Variants in SGCZ observed in about 807,000 individuals in gnomAD.
The protein encoded by SGCZ is sarcoglycan zeta, also known as zeta-sarcoglycan.
In SGCZ, 40 loss-of-function variants were observed where a neutral mutation model predicts 41.3. The ratio of observed to expected loss-of-function variants is 0.97; its 90% CI spans 0.75 to 1.26. The LOEUF (loss-of-function observed/expected upper bound fraction) is 1.26. Ranked by LOEUF, SGCZ falls within the 50% of genes most tolerant of loss-of-function variation. The probability of loss-of-function intolerance (pLI) is 0.00; values close to 1 mark genes in which losing one functional copy is unlikely to be tolerated. For synonymous variants in SGCZ, 206 were observed against 137.5 expected, an observed-to-expected ratio of 1.50 and a Z score of -3.49; for missense variants, 552 against 369.8, an observed-to-expected ratio of 1.49 and a Z score of -4.04.
chr8:14,578,093 C>T (rs1292189433), intron 1 of SGCZ, among the ~76,000 whole-genome samples: 2 of 152,246 alleles, frequency 1.3e-5, no homozygotes, highest in Non-Finnish European at 2.9e-5. Flanking sequence ...AACATTGAGG[C>T]CTATTTTATC....
intron 1 of SGCZ, among the ~76,000 whole-genome samples, chr8:15,051,658 G>A (rs60929713): frequency 0.044 from 6,663 of 152,134 alleles, 157 homozygotes; most frequent in Non-Finnish European, 0.057. Flanking sequence ...CTTGCCCACC[G>A]TTGGTGTTAC....
At position 14,467,281 on chromosome 8, in the gene SGCZ, G is replaced by A. The variant is rs919666579; in HGVS notation, c.234+87451C>T. On this transcript the variant is annotated intron_variant, in intron 2 of 7. Transcript: ENST00000382080. Reference sequence around the variant, plus strand: ...GTTTAAAAAAAGAGAAAAATAAGTGGTGGGGCACTGGCCCTTTTAATTCCG... The same window carrying A: ...GTTTAAAAAAAGAGAAAAATAAGTGATGGGGCACTGGCCCTTTTAATTCCG... Among the ~76,000 whole-genome samples, 5 of 152,078 alleles carry A rather than the reference G, an allele frequency of 3.3e-5. No individual in the cohort carries two copies. The East Asian group carries it at 5.8e-4, about 18-fold the overall frequency.
At chr8:14,419,608 T>C (rs752200811) in intron 2 of SGCZ, among the ~76,000 whole-genome samples, 1 of 152,014 alleles carries the variant, frequency 6.6e-6, no homozygotes, top group Non-Finnish European at 1.5e-5. Flanking sequence ...AAAAAAGGCC[T>C]ATTTTAAATT....
intron 1 of SGCZ, among the ~76,000 whole-genome samples, chr8:14,986,365 TA>T (rs1801825647): frequency 6.6e-6 from 1 of 152,050 alleles, no homozygotes; most frequent in African/African-American, 2.4e-5. Context: ...AAAATATCTC[TA>T]AAAACCCAGC....
intron 1 of SGCZ, among the ~76,000 whole-genome samples, chr8:14,567,047 A>G (rs1804390843): frequency 2.0e-5 from 3 of 152,164 alleles, no homozygotes; most frequent in South Asian, 2.1e-4. Flanking sequence ...GCTGTGCTCA[A>G]TTTCTCCCTG....
chr8:14,186,424 A>G (rs770639170), intron 4 of SGCZ, among the ~76,000 whole-genome samples: 15 of 152,106 alleles, frequency 9.9e-5, no homozygotes, highest in Non-Finnish European at 1.8e-4. Flanking sequence ...TTCTTCATCT[A>G]TGTCACAGTA....
At chr8:14,402,168 A>G (rs1799095804) in intron 2 of SGCZ, among the ~76,000 whole-genome samples, 2 of 151,998 alleles carry the variant, frequency 1.3e-5, no homozygotes, top group Admixed American at 6.6e-5. Flanking sequence ...GACTGAGTTC[A>G]TTGTAGATTC....
Position 14,527,605 on chromosome 8 carries a change from C to T in SGCZ, c.234+27127G>A, listed in dbSNP as rs958961093. Among the ~76,000 whole-genome samples the T allele has an allele frequency of 6.6e-5, 10 of 152,090 alleles. No homozygotes were observed. The East Asian group carries it at 1.9e-3, about 29-fold the overall frequency. ...ACGCCATGATGTCATTGTCATTATG[C>T]TGCTGGCAGTGGTAGCCACAAGGTA... On this transcript the variant is annotated intron_variant, in intron 2 of 7. Transcript: ENST00000382080.
intron 5 of SGCZ, among the ~76,000 whole-genome samples, chr8:14,148,981 C>T (rs1239283272): frequency 2.0e-5 from 3 of 151,886 alleles, no homozygotes; most frequent in African/African-American, 7.3e-5. Context: ...CAAAAAATTC[C>T]ACATCTCTTC....
intron 1 of SGCZ, among the ~76,000 whole-genome samples, chr8:14,575,182 A>C (rs1381974924): frequency 1.3e-5 from 2 of 152,202 alleles, no homozygotes; most frequent in African/African-American, 4.8e-5. Context: ...ATCAGTAGTT[A>C]CCTTTTAAGA....
chr8:15,128,179 A>G (rs376473985), intron 1 of SGCZ, among the ~76,000 whole-genome samples: 2 of 152,122 alleles, frequency 1.3e-5, no homozygotes, highest in East Asian at 1.9e-4. Context: ...TCTAGGATCA[A>G]TTTCATCCAC....
At chr8:15,230,716 A>G (rs1801914777) in intron 1 of SGCZ, among the ~76,000 whole-genome samples, 1 of 152,228 alleles carries the variant, frequency 6.6e-6, no homozygotes, top group South Asian at 2.1e-4. Context: ...ATGGTCCCAG[A>G]GTCAACTGCA....
intron 1 of SGCZ, among the ~76,000 whole-genome samples, chr8:14,705,253 T>A (rs989173187): frequency 6.6e-6 from 1 of 151,922 alleles, no homozygotes; most frequent in Admixed American, 6.6e-5. Flanking sequence ...CTACATGGTG[T>A]TTAAGAACAA....
intron 4 of SGCZ, among the ~76,000 whole-genome samples, chr8:14,199,780 T>G (rs1390250989): frequency 6.6e-6 from 1 of 152,078 alleles, no homozygotes; most frequent in African/African-American, 2.4e-5. Context: ...AATGAAGAAA[T>G]AAACGCATTT....
At chr8:14,762,142 T>C (rs887349223) in intron 1 of SGCZ, among the ~76,000 whole-genome samples, 1 of 152,176 alleles carries the variant, frequency 6.6e-6, no homozygotes, top group Non-Finnish European at 1.5e-5. Context: ...TAATAGAGAT[T>C]GCATGAACAT....
At chr8:14,307,679 GTTTTA>G (rs971806032) in intron 3 of SGCZ, among the ~76,000 whole-genome samples, 10 of 152,020 alleles carry the variant, frequency 6.6e-5, no homozygotes, top group African/African-American at 2.2e-4. Flanking sequence ...TCTGTCCCAT[GTTTTA>G]TTTTATTATC....
intron 1 of SGCZ, among the ~76,000 whole-genome samples, chr8:14,727,556 G>C (rs1585213209): frequency 6.6e-6 from 1 of 151,430 alleles, no homozygotes; most frequent in East Asian, 1.9e-4. Flanking sequence ...TGTTGCCCAG[G>C]CTAGAGTGCA....
At chr8:14,620,640 A>T (rs377012472) in intron 1 of SGCZ, among the ~76,000 whole-genome samples, 4 of 152,206 alleles carry the variant, frequency 2.6e-5, no homozygotes, top group Non-Finnish European at 4.4e-5. Context: ...ATACGAACAG[A>T]CACTTCTCAA....
At position 15,167,169 on chromosome 8, in the gene SGCZ, G is replaced by A. The variant is rs141547153; in HGVS notation, c.39+70416C>T. 4.5e-3 allele frequency among the ~76,000 whole-genome samples: 692 copies of A among 152,230 alleles called. 4 individuals are homozygous for A. The highest frequency in any genetic ancestry group is 0.016 in the African/African-American group (668 of 41,510). On this transcript the variant is annotated intron_variant, in intron 1 of 7. Coordinates refer to ENST00000382080, the MANE Select transcript of SGCZ (RefSeq NM_139167.4). Reference sequence around the variant, plus strand: ...TTGGAAACTATCTGTGAGTATCCTCGTGGCAATAAGGCTATTTGCATCAGT... The same window carrying A: ...TTGGAAACTATCTGTGAGTATCCTCATGGCAATAAGGCTATTTGCATCAGT...
Sources: allele counts gnomAD v4.1 joint callset (sites outside exome capture counted in the v4.1 genomes callset), GRCh38; gene constraint gnomAD v4.1.1; transcripts MANE v1.5; gene names NCBI Gene and HGNC (gene_info 2026-07-23, HGNC 2026-07-21).